Variants in FAM83E observed in about 807,000 individuals in gnomAD.
FAM83E encodes protein FAM83E.
FAM83E carries 29 observed loss-of-function variants against 34.3 expected under a neutral mutation model. That is an observed-to-expected ratio of 0.85 (90% confidence interval 0.63 to 1.15). The LOEUF is 1.15. Among genes scored for constraint, FAM83E ranks in the 50% most tolerant of loss-of-function variants. FAM83E has a pLI of 0.00. For missense variants in FAM83E, 697 were observed against 685.0 expected (o/e 1.02, Z -0.20); for synonymous variants, 312 against 311.6 (o/e 1.00, Z -0.01).
intron 4 of FAM83E, 134 bp downstream of exon 4, chr19:48,610,546 T>C: frequency 9.1e-7 from 1 of 1,098,700 alleles, no homozygotes; most frequent in Non-Finnish European, 1.3e-6. Flanking sequence ...CCCAGTGCTG[T>C]GGGCATCAGA....
intron 5 of FAM83E, chr19:48,606,961 C>A: frequency 1.3e-6 from 2 of 1,599,010 alleles, no homozygotes; most frequent in Non-Finnish European, 1.7e-6. Context: ...GGGGCAGGGT[C>A]AACGCCGCCA....
rs371704025 is a variant in FAM83E, at chr19:48,601,062, C to T, written c.*47G>A. On this transcript the variant is annotated 3_prime_UTR_variant, in exon 7 of 7. Coordinates refer to ENST00000263266, the MANE Select transcript of FAM83E (RefSeq NM_017708.4). Reference sequence around the variant, plus strand: ...AGAGGGCTCTGAGCCGACAGTTGTCCGGCACTGCTCCTTGGGTGGGCCAGC... The same window carrying T: ...AGAGGGCTCTGAGCCGACAGTTGTCTGGCACTGCTCCTTGGGTGGGCCAGC... 63 of 1,566,612 alleles carry T rather than the reference C, an allele frequency of 4.0e-5. No homozygotes were observed. Among genetic ancestry groups the T allele is most frequent in the South Asian group, 1.8e-4 (15 of 84,680 alleles).
Position 48,610,019 on chromosome 19 carries a change from G to C in FAM83E, c.634-19C>G. The C allele has an allele frequency of 6.2e-7, 1 of 1,608,760 alleles. No individual in the cohort carries two copies. ...CCACGTTCTGTTGGTGTGGGGAGTG[G>C]AGGGTACACCCTTGCTGAGGCCCAC... On this transcript the variant is annotated intron_variant, in intron 4 of 6. Transcript: ENST00000263266.
chr19:48,601,298 GCCTCCT>G lies in FAM83E; in HGVS notation c.1242_1247del (p.Gly415_Gly416del). 1.9e-6 allele frequency: 3 copies of G among 1,575,532 alleles called. No homozygotes were observed. Among genetic ancestry groups the G allele is most frequent in the Non-Finnish European group, 2.6e-6 (3 of 1,160,094 alleles). On this transcript the variant is annotated inframe_deletion, in exon 7 of 7. Coordinates refer to ENST00000263266, the MANE Select transcript of FAM83E (RefSeq NM_017708.4). ...GTCGGGAGTCCACTTCCCCCCAGGG[GCCTCCT>G]CCAGTGCCCCGCTGCCTCATCAGAG...
Position 48,613,155 on chromosome 19 carries a change from T to C in FAM83E, c.218A>G (p.Asp73Gly), listed in dbSNP as rs1368720184. The C allele has an allele frequency of 5.0e-6, 8 of 1,612,032 alleles. No homozygotes were observed. Among genetic ancestry groups the C allele is most frequent in the Non-Finnish European group, 6.8e-6 (8 of 1,179,888 alleles). Residue 73 changes from aspartate (D) to glycine (G), a missense_variant, in exon 3 of 7, where the codon GAC (aspartate) becomes GGC (glycine). By Grantham distance (94) the Asp-to-Gly change is moderately conservative (BLOSUM62 -1). Transcript: ENST00000263266. ...EVQGLAAAAEDWTVAKQEPSG... is the reference protein window; with the variant it reads ...EVQGLAAAAEGWTVAKQEPSG... ...GGGCTCCTGCTTGGCCACTGTCCAG[T>C]CTTCAGCTGCCGCTGCCAAGCCCTG...
chr19:48,608,477 C>T (rs1464891270), intron 5 of FAM83E, among the ~76,000 whole-genome samples: 3 of 141,762 alleles, frequency 2.1e-5, no homozygotes, highest in African/African-American at 8.1e-5. Context: ...CAGAGTCTCG[C>T]TCGGTCACCC....
At position 48,613,017 on chromosome 19, in the gene FAM83E, T is replaced by C. The variant is rs1974074303; in HGVS notation, c.356A>G (p.Asp119Gly). ...APVLRLGWPV[D>G]SAWKGITRAQ... ...CCGGGTGATGCCTTTCCACGCAGAG[T>C]CCACTGGCCAGCCCAGCCGCAGGAC... is the stretch of plus-strand genomic sequence containing the variant. Residue 119 changes from aspartate to glycine, a missense_variant, in exon 3 of 7, where the codon GAC becomes GGC. Coordinates refer to ENST00000263266, the MANE Select transcript of FAM83E (RefSeq NM_017708.4). 1.9e-6 allele frequency: 3 copies of C among 1,603,800 alleles called. No homozygotes were observed. Among genetic ancestry groups the C allele is most frequent in the East Asian group, 2.3e-5 (1 of 44,358 alleles).
intron 6 of FAM83E, 96 bp from the exon 7 acceptor site, chr19:48,601,465 G>A: frequency 6.7e-7 from 1 of 1,496,022 alleles, no homozygotes; most frequent in Non-Finnish European, 8.9e-7. Context: ...CAAGAGAGAA[G>A]CAGCGAAAGT....
rs1973792127 is a variant in FAM83E, at chr19:48,600,519, A to G, written c.*590T>C. On this transcript the variant is annotated 3_prime_UTR_variant, in exon 7 of 7. Coordinates refer to ENST00000263266, the MANE Select transcript of FAM83E (RefSeq NM_017708.4). ...CCTGGCTAATTTTTGTATTTGGTAG[A>G]GATGGGGTTTCACCATGTTGGTCAG... 6.6e-6 allele frequency among the ~76,000 whole-genome samples: 1 copy of G among 151,486 alleles called. No individual in the cohort carries two copies. The highest frequency in any genetic ancestry group is 1.5e-5 in the Non-Finnish European group (1 of 67,902).
chr19:48,614,461 G>A lies in FAM83E; in HGVS notation c.-1089C>T. The A allele has an allele frequency of 1.4e-5, 14 of 985,574 alleles. No homozygotes were observed. The highest frequency in any genetic ancestry group is 1.7e-5 in the Non-Finnish European group (14 of 830,084). 61.1% of individuals were successfully genotyped at this position (985,574 alleles called of 1,614,324 possible). A position where few individuals can be genotyped will look rare whatever the true frequency, so the allele number is the denominator to read the frequency against. ...CTACCCGGACGCTTCTTCCCGGACA[G>A]GGGCCAGTCTCTATCTCGCCCTGTC... is the stretch of plus-strand genomic sequence containing the variant. On this transcript the variant is annotated 5_prime_UTR_variant, in exon 3 of 7. Transcript: ENST00000263266.
chr19:48,611,087 C>T (rs1974032726), intron 3 of FAM83E, among the ~76,000 whole-genome samples: 1 of 152,178 alleles, frequency 6.6e-6, no homozygotes, highest in South Asian at 2.1e-4. Flanking sequence ...CCTCGAGATT[C>T]CCGGCCCCTA....
At chr19:48,612,132 G>A (rs969711473) in intron 3 of FAM83E, among the ~76,000 whole-genome samples, 2 of 152,200 alleles carry the variant, frequency 1.3e-5, no homozygotes, top group Admixed American at 1.3e-4. Flanking sequence ...TCCCTCTGGC[G>A]GTACAGGGTT....
chr19:48,615,013 G>C lies in FAM83E; in HGVS notation c.-1464C>G, dbSNP rs568625388. ...CCGGGGGGTTGAGATTGCCTCACCT[G>C]TTCCCAGGCAGTCTCTCCCTCCCCA... On this transcript the variant is annotated 5_prime_UTR_variant, in exon 1 of 7. Coordinates refer to ENST00000263266, the MANE Select transcript of FAM83E (RefSeq NM_017708.4). Among the ~76,000 whole-genome samples, 2 of 152,252 alleles carry C rather than the reference G, an allele frequency of 1.3e-5. No homozygotes were observed. Among genetic ancestry groups the C allele is most frequent in the Admixed American group, 6.5e-5 (1 of 15,298 alleles).
chr19:48,603,351 C>T lies in FAM83E; in HGVS notation c.1176+143G>A, dbSNP rs150489978. ...CGTGCAGGAAATGAACAAACGATGC[C>T]ATTATGAATTTAGGGGTGCAGGCCC... On this transcript the variant is annotated intron_variant, in intron 6 of 6. Coordinates refer to ENST00000263266, the MANE Select transcript of FAM83E (RefSeq NM_017708.4). 8.1e-6 allele frequency: 6 copies of T among 738,302 alleles called. No homozygotes were observed. The East Asian group carries it at 2.0e-4, about 25-fold the overall frequency. 45.7% of individuals were successfully genotyped at this position (738,302 alleles called of 1,614,324 possible).
chr19:48,607,673 A>AT lies in FAM83E; in HGVS notation c.758+2202_758+2203insA, dbSNP rs199961807. On this transcript the variant is annotated intron_variant, in intron 5 of 6. Transcript: ENST00000263266. ...TTAGAGTCCATGAAATATGGTAAAA[A>AT]ATATATATATATCATAATAAATGAC... 7.2e-3 allele frequency: 2,430 copies of AT among 335,606 alleles called. 13 individuals are homozygous for AT. The highest frequency in any genetic ancestry group is 8.4e-3 in the Non-Finnish European group (1,492 of 178,042). 20.8% of individuals were successfully genotyped at this position (335,606 alleles called of 1,614,324 possible). A position where few individuals can be genotyped will look rare whatever the true frequency, so the allele number is the denominator to read the frequency against.
chr19:48,613,496 C>T lies in FAM83E; in HGVS notation c.-124G>A, dbSNP rs1002423704. ...GCAGACCCTACGTGGCCATCCGAGG[C>T]CTCCGGCGGGGCCCTGCAGATGTCC... is the stretch of plus-strand genomic sequence containing the variant. On this transcript the variant is annotated 5_prime_UTR_variant, in exon 3 of 7. Transcript: ENST00000263266. The T allele has an allele frequency of 7.0e-7, 1 of 1,429,492 alleles. No homozygotes were observed. The highest frequency in any genetic ancestry group is 9.1e-7 in the Non-Finnish European group (1 of 1,095,962). The allele number at this position is 1,429,492 out of a possible 1,614,324, so 88.6% of individuals were successfully genotyped here. A position where few individuals can be genotyped will look rare whatever the true frequency, so the allele number is the denominator to read the frequency against.
chr19:48,614,396 C>T lies in FAM83E; in HGVS notation c.-1024G>A, dbSNP rs997516368. Reference sequence around the variant, plus strand: ...TCTGCGGGGAGCCCTACCCAAGCTGCCCCCAGCCTGGTTTCTGCCTAAATG... The same window carrying T: ...TCTGCGGGGAGCCCTACCCAAGCTGTCCCCAGCCTGGTTTCTGCCTAAATG... On this transcript the variant is annotated 5_prime_UTR_variant, in exon 3 of 7. Coordinates refer to ENST00000263266, the MANE Select transcript of FAM83E (RefSeq NM_017708.4). The T allele has an allele frequency of 4.1e-6, 4 of 985,454 alleles. No individual in the cohort carries two copies. The highest frequency in any genetic ancestry group is 4.7e-5 in the South Asian group (1 of 21,288). 61.0% of individuals were successfully genotyped at this position (985,454 alleles called of 1,614,324 possible).
At chr19:48,606,848 C>A in intron 5 of FAM83E, 1 of 1,192,934 alleles carries the variant, frequency 8.4e-7, no homozygotes, top group Non-Finnish European at 1.1e-6. Context: ...AGGCGCTGAC[C>A]CTGGGAGGCC....
intron 5 of FAM83E, among the ~76,000 whole-genome samples, chr19:48,604,175 T>C (rs1973885366): frequency 6.6e-6 from 1 of 151,860 alleles, no homozygotes; most frequent in African/African-American, 2.4e-5. Flanking sequence ...GGAGGGTTGC[T>C]TGAGCCCAGG....
Sources: gnomAD v4.1 joint callset for allele counts (sites outside exome capture counted in the v4.1 genomes callset) on GRCh38, gnomAD v4.1.1 for gene constraint, MANE v1.5 for transcripts, NCBI Gene and HGNC (gene_info 2026-07-23, HGNC 2026-07-21) for gene names.